TRABD2B: variants seen among roughly 807,000 people sequenced by gnomAD.
TRABD2B encodes TraB domain containing 2B, also known as metalloprotease TIKI2.
A neutral mutation model predicts 40.1 loss-of-function variants in TRABD2B; 14 were observed. That is an observed-to-expected ratio of 0.35 (90% CI 0.23 to 0.55). The LOEUF is 0.55. Ranked by LOEUF, TRABD2B falls within the 20% of genes least tolerant of loss-of-function variation. The probability of loss-of-function intolerance (pLI) is 0.90; values close to 1 mark genes in which losing one functional copy is unlikely to be tolerated. For synonymous variants in TRABD2B, 263 were observed against 277.0 expected, an observed-to-expected ratio of 0.95 and a Z score of 0.50; for missense variants, 541 against 648.6, an observed-to-expected ratio of 0.83 and a Z score of 1.80.
intron 2 of TRABD2B, among the ~76,000 whole-genome samples, chr1:47,889,640 C>G (rs1250902639): frequency 6.6e-6 from 1 of 152,210 alleles, no homozygotes; most frequent in African/African-American, 2.4e-5. Context: ...AGATGCATAG[C>G]TGCTGAGAGT....
intron 2 of TRABD2B, among the ~76,000 whole-genome samples, chr1:47,975,753 G>A (rs1344031079): frequency 6.6e-6 from 1 of 152,174 alleles, no homozygotes; most frequent in Admixed American, 6.5e-5. Flanking sequence ...CTTCTAAGGG[G>A]TCAAATGAAG....
Position 47,763,512 on chromosome 1 carries a change from T to C in TRABD2B, c.*2390A>G, listed in dbSNP as rs1190458769. The C allele has an allele frequency of 6.6e-6, 1 of 152,208 alleles. No homozygotes were observed. Among genetic ancestry groups the C allele is most frequent in the Non-Finnish European group, 1.5e-5 (1 of 68,038 alleles). 9.4% of individuals were successfully genotyped at this position (152,208 alleles called of 1,614,324 possible). A position where few individuals can be genotyped will look rare whatever the true frequency, so the allele number is the denominator to read the frequency against. ...TAGCATTGCACTGCTTGTCCCATCT[T>C]GATAATGAGTTCCTCTGGGCCAAGG... On this transcript the variant is annotated 3_prime_UTR_variant, in exon 7 of 7. Transcript: ENST00000606738.
intron 6 of TRABD2B, among the ~76,000 whole-genome samples, chr1:47,766,321 G>A (rs1644302949): frequency 6.6e-6 from 1 of 152,134 alleles, no homozygotes; most frequent in Non-Finnish European, 1.5e-5. Flanking sequence ...CGGGCTCTGG[G>A]GGATGGGCCA....
chr1:47,827,372 G>C (rs921560245), intron 2 of TRABD2B, among the ~76,000 whole-genome samples: 3 of 152,236 alleles, frequency 2.0e-5, no homozygotes, highest in African/African-American at 7.2e-5. Flanking sequence ...GGACCACCTA[G>C]GTTGGAATGC....
chr1:47,867,625 T>C (rs1557624411), intron 2 of TRABD2B, among the ~76,000 whole-genome samples: 1 of 152,186 alleles, frequency 6.6e-6, no homozygotes, highest in Non-Finnish European at 1.5e-5. Context: ...AGTAACTTTC[T>C]TGTGACATTT....
intron 2 of TRABD2B, among the ~76,000 whole-genome samples, chr1:47,809,591 G>A (rs875398): frequency 0.31 from 47,328 of 152,018 alleles, 7,740 homozygotes; most frequent in Non-Finnish European, 0.37. Context: ...TTCTTCAAAG[G>A]TTAGAGCTGC....
intron 2 of TRABD2B, among the ~76,000 whole-genome samples, chr1:47,914,687 G>A (rs570332415): frequency 1.3e-5 from 2 of 152,316 alleles, no homozygotes; most frequent in Admixed American, 1.3e-4. Flanking sequence ...GTCTGGACCC[G>A]GCCCCCTCCA....
intron 2 of TRABD2B, among the ~76,000 whole-genome samples, chr1:47,804,452 C>CTA (rs755078291): frequency 4.1e-4 from 63 of 152,342 alleles, no homozygotes; most frequent in Non-Finnish European, 7.9e-4. Context: ...CGTGACTACA[C>CTA]TCGGCCACTG....
intron 4 of TRABD2B, among the ~76,000 whole-genome samples, chr1:47,794,194 G>A (rs1644713242): frequency 6.6e-6 from 1 of 152,202 alleles, no homozygotes; most frequent in Non-Finnish European, 1.5e-5. Context: ...AGGACTGTGG[G>A]ACGCCAGAGC....
chr1:47,823,457 G>C (rs989043025), intron 2 of TRABD2B, among the ~76,000 whole-genome samples: 1 of 152,258 alleles, frequency 6.6e-6, no homozygotes, highest in Admixed American at 6.5e-5. Flanking sequence ...TGGCCTCCCT[G>C]ACCCAGGGCG....
intron 2 of TRABD2B, among the ~76,000 whole-genome samples, chr1:47,967,536 C>T (rs1333535466): frequency 3.3e-5 from 5 of 152,204 alleles, no homozygotes; most frequent in East Asian, 1.9e-4. Context: ...TTTGGACTCT[C>T]GTTTACGTCT....
rs537841769 is a variant in TRABD2B at position 47,884,172 on chromosome 1, T to C, written c.667-82553A>G. On this transcript the variant is annotated intron_variant, in intron 2 of 6. Coordinates refer to ENST00000606738, the MANE Select transcript of TRABD2B (RefSeq NM_001194986.2). ...GTTCTGCAATCTTCCCAGAGCCCTG[T>C]AGGGTGGCTCTTTCCTATGCTCTTT... Among the ~76,000 whole-genome samples the C allele has an allele frequency of 2.0e-5, 3 of 152,304 alleles. No homozygotes were observed. The East Asian group carries it at 5.8e-4, about 29-fold the overall frequency.
intron 2 of TRABD2B, among the ~76,000 whole-genome samples, chr1:47,937,330 C>A (rs557189757): frequency 6.8e-6 from 1 of 147,734 alleles, no homozygotes; most frequent in Admixed American, 6.7e-5. Flanking sequence ...ATCACCACCA[C>A]CATCATGATC....
At chr1:47,991,946 AC>A (rs991429320) in intron 2 of TRABD2B, among the ~76,000 whole-genome samples, 1 of 152,058 alleles carries the variant, frequency 6.6e-6, no homozygotes, top group African/African-American at 2.4e-5. Context: ...CCAGAATCCC[AC>A]CCTTCCCATT....
intron 2 of TRABD2B, among the ~76,000 whole-genome samples, chr1:47,872,786 AG>A (rs1395313107): frequency 6.6e-6 from 1 of 152,122 alleles, no homozygotes; most frequent in Admixed American, 6.5e-5. Flanking sequence ...GGGAAGGTCC[AG>A]GGAGTGGGGG....
intron 2 of TRABD2B, among the ~76,000 whole-genome samples, chr1:47,851,518 CATT>C (rs1645549444): frequency 6.6e-6 from 1 of 152,072 alleles, no homozygotes. Flanking sequence ...TGATTTTTGA[CATT>C]ATGCTCAGTA....
At chr1:47,932,366 A>G (rs1170268498) in intron 2 of TRABD2B, among the ~76,000 whole-genome samples, 1 of 152,210 alleles carries the variant, frequency 6.6e-6, no homozygotes, top group Non-Finnish European at 1.5e-5. Flanking sequence ...GGCAAAGCAG[A>G]AGTGAGGATG....
Position 47,904,877 on chromosome 1 carries a change from T to C in TRABD2B, c.666+89157A>G, listed in dbSNP as rs143791359. ...ATATCCTCTGTGCTCTCTCCCGATATAGGCTGACTCCTAATGCTCCAAATC... is the reference window on the plus strand; with the variant it reads ...ATATCCTCTGTGCTCTCTCCCGATACAGGCTGACTCCTAATGCTCCAAATC... On this transcript the variant is annotated intron_variant, in intron 2 of 6. Transcript: ENST00000606738. 7.5e-4 allele frequency among the ~76,000 whole-genome samples: 115 copies of C among 152,338 alleles called. 1 individual carries two copies. The highest frequency in any genetic ancestry group is 2.4e-3 in the African/African-American group (101 of 41,582).
At chr1:47,906,074 T>A (rs576498188) in intron 2 of TRABD2B, among the ~76,000 whole-genome samples, 2 of 152,104 alleles carry the variant, frequency 1.3e-5, no homozygotes. Flanking sequence ...TTGCTCAAGG[T>A]CATACCTCAG....
Sources: allele counts gnomAD v4.1 joint callset (sites outside exome capture counted in the v4.1 genomes callset), GRCh38; gene constraint gnomAD v4.1.1; transcripts MANE v1.5; gene names NCBI Gene and HGNC (gene_info 2026-07-23, HGNC 2026-07-21).